Variants in SEL1L observed in about 807,000 individuals in gnomAD.
The protein encoded by SEL1L is protein sel-1 homolog 1.
SEL1L carries 52 observed loss-of-function variants against 109.8 expected under a neutral mutation model. The observed-to-expected ratio is 0.47, with a 90% CI of 0.38 to 0.60. The LOEUF is 0.60. SEL1L is among the 20% of genes least tolerant of loss of function. The pLI is 0.00. For synonymous variants in SEL1L, 373 were observed against 339.6 expected (o/e 1.10, Z -1.08); for missense variants, 749 against 962.2 (o/e 0.78, Z 2.93).
At chr14:81,483,620 A>T (rs772848548) in intron 19 of SEL1L, among the ~76,000 whole-genome samples, 6 of 152,208 alleles carry the variant, frequency 3.9e-5, no homozygotes, top group Non-Finnish European at 8.8e-5. Flanking sequence ...GTGGGTATTA[A>T]ATTATTGTTA....
At chr14:81,516,729 A>G (rs2140044578) in intron 3 of SEL1L, among the ~76,000 whole-genome samples, 1 of 151,942 alleles carries the variant, frequency 6.6e-6, no homozygotes, top group Middle Eastern at 3.4e-3. Context: ...TTCAATAAAA[A>G]CTCCAGGCAC....
Position 81,484,516 on chromosome 14 carries a change from A to G in SEL1L, c.1874-119T>C, listed in dbSNP as rs1903460056. On this transcript the variant is annotated intron_variant, in intron 18 of 20. Transcript: ENST00000336735. ...AACAAAGAATTTTAATTCATAGTAC[A>G]CAAACTTTGTAACAAATCCTTTCAG... The G allele has an allele frequency of 3.5e-5, 33 of 945,846 alleles. No individual in the cohort carries two copies. In the East Asian group the frequency reaches 8.2e-4, roughly 23 times the overall value. 58.6% of individuals were successfully genotyped at this position (945,846 alleles called of 1,614,324 possible).
chr14:81,519,679 A>G (rs1185117386), intron 3 of SEL1L, among the ~76,000 whole-genome samples: 1 of 152,062 alleles, frequency 6.6e-6, no homozygotes, highest in East Asian at 1.9e-4. Flanking sequence ...AGCAAAAGGA[A>G]GAAGGCCAGA....
chr14:81,528,611 C>A (rs980668277), intron 1 of SEL1L, among the ~76,000 whole-genome samples: 1 of 152,140 alleles, frequency 6.6e-6, no homozygotes, highest in Non-Finnish European at 1.5e-5. Flanking sequence ...CAGTTTAAAA[C>A]AGCGAATCTG....
chr14:81,484,801 A>G (rs1282689233), intron 18 of SEL1L, among the ~76,000 whole-genome samples: 2 of 152,230 alleles, frequency 1.3e-5, no homozygotes, highest in Non-Finnish European at 2.9e-5. Context: ...AATATGCCAA[A>G]CACAAACAAA....
intron 3 of SEL1L, 45 bp from the exon 4 acceptor site, chr14:81,506,286 T>C (rs766561893): frequency 6.8e-7 from 1 of 1,463,150 alleles, no homozygotes; most frequent in Middle Eastern, 2.4e-4. Flanking sequence ...ACAACACCTC[T>C]GGTATTCATG....
intron 3 of SEL1L, among the ~76,000 whole-genome samples, chr14:81,520,156 T>C (rs1248814092): frequency 6.6e-6 from 1 of 152,194 alleles, no homozygotes; most frequent in East Asian, 1.9e-4. Context: ...CACAGAGCCA[T>C]ATATATGCAA....
At chr14:81,509,061 GA>G in intron 3 of SEL1L, among the ~76,000 whole-genome samples, 1 of 152,186 alleles carries the variant, frequency 6.6e-6, no homozygotes, top group East Asian at 1.9e-4. Flanking sequence ...ATTCATTAGT[GA>G]AGAAAATTTG....
At chr14:81,482,251 A>C (rs1469303057) in intron 19 of SEL1L, among the ~76,000 whole-genome samples, 1 of 152,204 alleles carries the variant, frequency 6.6e-6, no homozygotes, top group Non-Finnish European at 1.5e-5. Flanking sequence ...TTGTTTTATA[A>C]GCTATTATAA....
At chr14:81,487,122 T>C (rs1321445398) in intron 16 of SEL1L, among the ~76,000 whole-genome samples, 1 of 152,102 alleles carries the variant, frequency 6.6e-6, no homozygotes, top group Admixed American at 6.5e-5. Context: ...TTTTTGATGC[T>C]GATTATTATC....
intron 3 of SEL1L, among the ~76,000 whole-genome samples, chr14:81,515,534 A>G (rs1047603958): frequency 6.6e-6 from 1 of 152,216 alleles, no homozygotes; most frequent in Admixed American, 6.5e-5. Context: ...ACTGGGATCT[A>G]GACTCAGATC....
intron 13 of SEL1L, 54 bp from the exon 14 acceptor site, chr14:81,489,368 G>A (rs1595507584): frequency 2.1e-6 from 3 of 1,405,326 alleles, no homozygotes; most frequent in Non-Finnish European, 3.0e-6. Context: ...TCAAAAATAG[G>A]CAAGAATAAA....
At chr14:81,504,676 T>C (rs934334288) in intron 4 of SEL1L, among the ~76,000 whole-genome samples, 1 of 152,070 alleles carries the variant, frequency 6.6e-6, no homozygotes, top group Non-Finnish European at 1.5e-5. Context: ...TCACACTGAA[T>C]TGTAATCCCT....
intron 3 of SEL1L, among the ~76,000 whole-genome samples, chr14:81,510,270 G>C (rs1884408238): frequency 6.6e-6 from 1 of 152,154 alleles, no homozygotes; most frequent in South Asian, 2.1e-4. Flanking sequence ...TTACAGAACA[G>C]GAAGAGAGAA....
Position 81,502,850 on chromosome 14 carries a change from C to A in SEL1L, c.648G>T (p.Met216Ile). ...CTCTCTCCAGGGCTTTGGTATGGTT[C>A]ATGCTTGCTGCCTTTTGGAGATACC... ...AYRYLQKAAS[M>I]NHTKALERVS... The change falls in exon 6 of 21, where the codon ATG (methionine) becomes ATT (isoleucine). Residue 216 changes from methionine (M) to isoleucine (I), a missense_variant. Around this residue, in one of 2 missense-constraint regions of SEL1L, gnomAD observed 366 missense variants for 399.8 expected, o/e 0.92. Transcript: ENST00000336735. The A allele has an allele frequency of 6.2e-7, 1 of 1,613,912 alleles. No individual in the cohort carries two copies. The highest frequency in any genetic ancestry group is 2.2e-5 in the East Asian group (1 of 44,874).
rs1479990000 is a variant in SEL1L, at chr14:81,475,030, G to A, written c.*1942C>T. ...GTGAAAGTTGGTAGTCATCTTGGGT[G>A]GTTTTTCAACTTTTAAATAAATTAT... On this transcript the variant is annotated 3_prime_UTR_variant, in exon 21 of 21. Coordinates refer to ENST00000336735, the MANE Select transcript of SEL1L (RefSeq NM_005065.6). 6.6e-6 allele frequency: 1 copy of A among 152,168 alleles called. No homozygotes were observed. Among genetic ancestry groups the A allele is most frequent in the African/African-American group, 2.4e-5 (1 of 41,442 alleles). The allele number at this position is 152,168 out of a possible 1,614,324, so 9.4% of individuals were successfully genotyped here. A position where few individuals can be genotyped will look rare whatever the true frequency, so the allele number is the denominator to read the frequency against.
At chr14:81,487,594 C>A in intron 15 of SEL1L, 56 bp from the exon 16 acceptor site, 1 of 1,564,850 alleles carries the variant, frequency 6.4e-7, no homozygotes, top group Non-Finnish European at 8.6e-7. Flanking sequence ...AGCTAAGTAT[C>A]AGAGAAGGCT....
At position 81,471,949 on chromosome 14, in the gene SEL1L, CCTTTTT is replaced by C. The variant is rs550388165; in HGVS notation, c.*5017_*5022del. 1 of 152,152 alleles carries C rather than the reference CCTTTTT, an allele frequency of 6.6e-6. No homozygotes were observed. Among genetic ancestry groups the C allele is most frequent in the East Asian group, 1.9e-4 (1 of 5,202 alleles). 9.4% of individuals were successfully genotyped at this position (152,152 alleles called of 1,614,324 possible). On this transcript the variant is annotated 3_prime_UTR_variant, in exon 21 of 21. Transcript: ENST00000336735. ...AAAATACCCAAAAAGTAAAAACTTT[CCTTTTT>C]ATTTTTCGTAGTTTCTACTACAGAA...
At chr14:81,505,718 T>C (rs923653911) in intron 4 of SEL1L, among the ~76,000 whole-genome samples, 2 of 152,248 alleles carry the variant, frequency 1.3e-5, no homozygotes, top group South Asian at 4.1e-4. Flanking sequence ...TAAAAAGTTA[T>C]TTATTTTTCT....
Sources: gnomAD v4.1 joint callset for allele counts (sites outside exome capture counted in the v4.1 genomes callset) on GRCh38, gnomAD v4.1.1 for gene constraint, gnomAD v4.1.1 regional missense constraint, MANE v1.5 for transcripts, NCBI Gene and HGNC (gene_info 2026-07-23, HGNC 2026-07-21) for gene names.